HGD: variants seen among roughly 807,000 people sequenced by gnomAD.
The protein encoded by HGD is homogentisate oxidase.
In HGD, 61 loss-of-function variants were observed where a neutral mutation model predicts 60.8. That is an observed-to-expected ratio of 1.00 (90% CI 0.82 to 1.24). The LOEUF is 1.24. HGD is among the 50% of genes most tolerant of loss of function. The pLI, the probability that HGD is intolerant of heterozygous loss-of-function variation, is 0.00. For missense variants in HGD, 542 were observed against 547.1 expected (o/e 0.99, Z 0.09); for synonymous variants, 212 against 187.7 (o/e 1.13, Z -1.06).
chr3:120,637,324 A>AT (rs1464469910), intron 12 of HGD, among the ~76,000 whole-genome samples: 1 of 149,018 alleles, frequency 6.7e-6, no homozygotes, highest in Admixed American at 6.7e-5. Flanking sequence ...AAAAAAAAAA[A>AT]GCGGGGGGGA....
intron 12 of HGD, among the ~76,000 whole-genome samples, chr3:120,636,116 C>A (rs1479713434): frequency 1.2e-3 from 132 of 113,122 alleles, no homozygotes; most frequent in South Asian, 1.9e-3. Context: ...ACTAACAATA[C>A]AAAAAAAAAA....
In HGD at chr3:120,647,021, G is replaced by A. The variant is rs146878140; in HGVS notation, c.501C>T (p.Thr167=). The change falls in exon 8 of 14, where the codon ACC becomes ACT. Residue 167 remains threonine, a synonymous_variant. Coordinates refer to ENST00000283871, the MANE Select transcript of HGD (RefSeq NM_000187.4). ...VPQKGNLLIY[T]EFGKMLVQPN... ...GCTGTACAAGCATCTTGCCAAACTC[G>A]GTGTAAATGAGAAGGTTCCCTTTCT... The A allele has an allele frequency of 7.3e-5, 118 of 1,614,002 alleles. No homozygotes were observed. Among genetic ancestry groups the A allele is most frequent in the Non-Finnish European group, 7.6e-5 (90 of 1,179,940 alleles).
chr3:120,673,611 A>G (rs1365179865), intron 3 of HGD, among the ~76,000 whole-genome samples: 2 of 152,184 alleles, frequency 1.3e-5, no homozygotes, highest in Non-Finnish European at 2.9e-5. Context: ...GCATATATCT[A>G]TTGAGAGAAA....
chr3:120,681,913 A>G (rs1232635303), intron 1 of HGD, among the ~76,000 whole-genome samples, 184 bp downstream of exon 1: 1 of 152,216 alleles, frequency 6.6e-6, no homozygotes, highest in Non-Finnish European at 1.5e-5. Flanking sequence ...TCTTTCCTTT[A>G]TCACCTTTCC....
intron 4 of HGD, among the ~76,000 whole-genome samples, chr3:120,664,186 G>C (rs941649665): frequency 6.6e-6 from 1 of 152,142 alleles, no homozygotes; most frequent in Admixed American, 6.5e-5. Flanking sequence ...GGGAGGAAGA[G>C]AGAAGCCAAC....
At chr3:120,657,553 C>G (rs1031178212) in intron 4 of HGD, among the ~76,000 whole-genome samples, 1 of 151,914 alleles carries the variant, frequency 6.6e-6, no homozygotes, top group African/African-American at 2.4e-5. Context: ...GAAGTGAGTA[C>G]CACCTATCCA....
Position 120,667,297 on chromosome 3 carries a change from G to A in HGD, c.282+3130C>T, listed in dbSNP as rs1019493898. Among the ~76,000 whole-genome samples, 10 of 123,094 alleles carry A rather than the reference G, an allele frequency of 8.1e-5. No homozygotes were observed. The East Asian group carries it at 2.1e-3, about 26-fold the overall frequency. 80.8% of individuals were successfully genotyped at this position (123,094 alleles called of 152,430 possible). On this transcript the variant is annotated intron_variant, in intron 4 of 13. Transcript: ENST00000283871. Reference sequence around the variant, plus strand: ...GCTGTGATCACACCACTGTACTCCCGCCTGAGCAACAGGGTGAGACTCTTG... The same window carrying A: ...GCTGTGATCACACCACTGTACTCCCACCTGAGCAACAGGGTGAGACTCTTG...
intron 1 of HGD, among the ~76,000 whole-genome samples, chr3:120,680,801 T>C (rs1367392910): frequency 1.3e-5 from 2 of 152,226 alleles, no homozygotes; most frequent in African/African-American, 2.4e-5. Context: ...AGGCATTCTG[T>C]ATGTGCTGTG....
At chr3:120,649,036 A>G (rs918891126) in intron 6 of HGD, among the ~76,000 whole-genome samples, 12 of 151,416 alleles carry the variant, frequency 7.9e-5, no homozygotes, top group African/African-American at 2.9e-4. Context: ...TGTTTGGTTG[A>G]CAGTTCTTGA....
intron 9 of HGD, among the ~76,000 whole-genome samples, chr3:120,645,184 G>A (rs1415304281): frequency 7.9e-5 from 12 of 152,208 alleles, no homozygotes; most frequent in African/African-American, 2.9e-4. Context: ...GAGGGTACAT[G>A]TTCCACGGAA....
At chr3:120,630,672 C>G (rs424591) in intron 13 of HGD, among the ~76,000 whole-genome samples, 12 of 151,786 alleles carry the variant, frequency 7.9e-5, no homozygotes, top group Admixed American at 5.9e-4. Flanking sequence ...TATAAAAACT[C>G]TGGAAGATGA....
chr3:120,676,397 C>T (rs1048754944), intron 1 of HGD, among the ~76,000 whole-genome samples: 1 of 152,108 alleles, frequency 6.6e-6, no homozygotes, highest in African/African-American at 2.4e-5. Flanking sequence ...CACAATGACA[C>T]AATGGAACCT....
intron 13 of HGD, among the ~76,000 whole-genome samples, chr3:120,631,833 A>G (rs1940600844): frequency 6.6e-6 from 1 of 152,154 alleles, no homozygotes. Flanking sequence ...TCCCATCCTA[A>G]TAGGAGAGCT....
At chr3:120,661,620 T>C (rs1707768658) in intron 4 of HGD, among the ~76,000 whole-genome samples, 1 of 152,262 alleles carries the variant, frequency 6.6e-6, no homozygotes, top group Admixed American at 6.5e-5. Flanking sequence ...TTTAACATTC[T>C]TATATATGGA....
chr3:120,648,360 A>G (rs987674306), intron 6 of HGD, among the ~76,000 whole-genome samples: 1 of 152,230 alleles, frequency 6.6e-6, no homozygotes, highest in Non-Finnish European at 1.5e-5. Context: ...ATGAAGGCCA[A>G]TGCGGCTCAA....
At chr3:120,632,299 C>G (rs1252686600) in intron 13 of HGD, among the ~76,000 whole-genome samples, 3 of 152,134 alleles carry the variant, frequency 2.0e-5, no homozygotes, top group South Asian at 2.1e-4. Flanking sequence ...AACCAGGTAG[C>G]ATTGAAGGCA....
At chr3:120,636,280 CA>C (rs371412566) in intron 12 of HGD, among the ~76,000 whole-genome samples, 3,400 of 116,880 alleles carry the variant, frequency 0.029, 41 homozygotes, top group Middle Eastern at 0.079. Context: ...GACCCTGTCT[CA>C]AAAAAAAAAA....
chr3:120,654,941 T>C (rs899339043), intron 4 of HGD, among the ~76,000 whole-genome samples: 24 of 152,098 alleles, frequency 1.6e-4, no homozygotes, highest in Admixed American at 1.4e-3. Context: ...TGTGGTGGCA[T>C]GCACCTGTAG....
intron 2 of HGD, among the ~76,000 whole-genome samples, 164 bp from the exon 3 acceptor site, chr3:120,675,153 G>A (rs938666347): frequency 6.6e-6 from 1 of 151,994 alleles, no homozygotes; most frequent in African/African-American, 2.4e-5. Flanking sequence ...CTTGCCCCCC[G>A]ATTATAAAAG....
Sources: gnomAD v4.1 joint callset for allele counts (sites outside exome capture counted in the v4.1 genomes callset) on GRCh38, gnomAD v4.1.1 for gene constraint, MANE v1.5 for transcripts, NCBI Gene and HGNC (gene_info 2026-07-23, HGNC 2026-07-21) for gene names.